Variants in RAB10 observed in about 807,000 individuals in gnomAD.
RAB10 encodes the protein RAB10, member RAS oncogene family.
A neutral mutation model predicts 25.7 loss-of-function variants in RAB10; 5 were observed. The ratio of observed to expected loss-of-function variants is 0.19; its 90% CI spans 0.10 to 0.41. The LOEUF (loss-of-function observed/expected upper bound fraction) is 0.41. Ranked by LOEUF, RAB10 falls within the 10% of genes least tolerant of loss-of-function variation. The probability of loss-of-function intolerance (pLI) is 1.00; values close to 1 mark genes in which losing one functional copy is unlikely to be tolerated. For synonymous variants in RAB10, 89 were observed against 86.4 expected (o/e 1.03, Z -0.16); for missense variants, 103 against 245.8 (o/e 0.42, Z 3.89).
chr2:26,044,357 G>T (rs1295567068), intron 1 of RAB10, among the ~76,000 whole-genome samples: 5 of 152,086 alleles, frequency 3.3e-5, no homozygotes, highest in Admixed American at 3.3e-4. Context: ...AATATCACTG[G>T]TCTGTACTTT....
intron 1 of RAB10, among the ~76,000 whole-genome samples, chr2:26,061,691 T>G (rs559513827): frequency 6.6e-6 from 1 of 152,158 alleles, no homozygotes; most frequent in South Asian, 2.1e-4. Context: ...GTCCCCAGTC[T>G]TATTTTTCTC....
chr2:26,060,122 G>T (rs1666364026), intron 1 of RAB10, among the ~76,000 whole-genome samples: 1 of 152,030 alleles, frequency 6.6e-6, no homozygotes, highest in South Asian at 2.1e-4. Flanking sequence ...AAGCTTGTTT[G>T]GATTTAGAAT....
intron 1 of RAB10, among the ~76,000 whole-genome samples, chr2:26,068,053 C>T (rs749884299): frequency 1.3e-5 from 2 of 152,126 alleles, no homozygotes; most frequent in African/African-American, 4.8e-5. Flanking sequence ...TAATCTATTT[C>T]AGAGGATGGT....
At chr2:26,079,746 G>A (rs567253270) in intron 1 of RAB10, among the ~76,000 whole-genome samples, 2 of 151,062 alleles carry the variant, frequency 1.3e-5, no homozygotes, top group Non-Finnish European at 2.9e-5. Flanking sequence ...ACTCACTGAA[G>A]CCTCAACTTC....
intron 1 of RAB10, among the ~76,000 whole-genome samples, chr2:26,055,176 G>C (rs1666231238): frequency 6.6e-6 from 1 of 152,026 alleles, no homozygotes; most frequent in South Asian, 2.1e-4. Context: ...GGCTGCTCTT[G>C]TCTAGTTTCA....
At chr2:26,036,796 T>C (rs1436613494) in intron 1 of RAB10, among the ~76,000 whole-genome samples, 3 of 151,922 alleles carry the variant, frequency 2.0e-5, no homozygotes, top group Non-Finnish European at 4.4e-5. Context: ...GTCAACTTTA[T>C]TTATTTATTT....
chr2:26,107,196 A>G (rs1667481469), intron 2 of RAB10, among the ~76,000 whole-genome samples: 1 of 150,150 alleles, frequency 6.7e-6, no homozygotes, highest in Non-Finnish European at 1.5e-5. Flanking sequence ...CAGTGAGCCA[A>G]GATCGTGCCA....
At chr2:26,053,764 T>C (rs6546729) in intron 1 of RAB10, among the ~76,000 whole-genome samples, 127,166 of 152,078 alleles carry the variant, frequency 0.84, 53,624 homozygotes, top group African/African-American at 0.96. Flanking sequence ...TTGTCACTCA[T>C]GCTGGAGTGC....
intron 1 of RAB10, among the ~76,000 whole-genome samples, chr2:26,059,680 G>A (rs1264859771): frequency 1.3e-5 from 2 of 152,160 alleles, no homozygotes; most frequent in Non-Finnish European, 1.5e-5. Flanking sequence ...GCATACCCAT[G>A]TTATAACAGC....
intron 1 of RAB10, among the ~76,000 whole-genome samples, chr2:26,043,266 C>T (rs1322337905): frequency 1.3e-5 from 2 of 152,006 alleles, no homozygotes; most frequent in African/African-American, 4.8e-5. Context: ...CAAGAAACCC[C>T]CCAAAATTAG....
At chr2:26,132,811 A>G (rs566244746) in intron 5 of RAB10, among the ~76,000 whole-genome samples, 1 of 127,300 alleles carries the variant, frequency 7.9e-6, no homozygotes, top group African/African-American at 2.9e-5. Flanking sequence ...GTTAAATTCT[A>G]AAAAGATAAG....
intron 5 of RAB10, among the ~76,000 whole-genome samples, chr2:26,130,309 CTTTTTTTTTTCTTTTT>C (rs1435600663): frequency 1.4e-5 from 2 of 147,894 alleles, no homozygotes; most frequent in African/African-American, 5.0e-5. Context: ...TCTTTCTTTC[CTTTTTTTTTTCTTTTT>C]GTGACAGGGT....
At chr2:26,117,388 C>T (rs974655782) in intron 3 of RAB10, among the ~76,000 whole-genome samples, 14 of 151,924 alleles carry the variant, frequency 9.2e-5, no homozygotes, top group African/African-American at 1.2e-4. Context: ...CCGAGGCTGG[C>T]GGATCACCAG....
intron 1 of RAB10, among the ~76,000 whole-genome samples, chr2:26,095,164 C>T (rs142969882): frequency 6.6e-6 from 1 of 152,248 alleles, no homozygotes; most frequent in Non-Finnish European, 1.5e-5. Flanking sequence ...CGCCCTTTGC[C>T]AGTGAATAGT....
intron 1 of RAB10, among the ~76,000 whole-genome samples, chr2:26,048,649 G>A (rs908539310): frequency 6.6e-6 from 1 of 152,114 alleles, no homozygotes; most frequent in African/African-American, 2.4e-5. Context: ...AGCACTTTGG[G>A]AGGCCTAGGT....
intron 1 of RAB10, among the ~76,000 whole-genome samples, chr2:26,046,992 A>G (rs888169112): frequency 6.6e-6 from 1 of 152,166 alleles, no homozygotes; most frequent in African/African-American, 2.4e-5. Context: ...GTTTCTTCCA[A>G]TGGTAGCAGT....
chr2:26,087,295 A>T (rs1404978249), intron 1 of RAB10, among the ~76,000 whole-genome samples: 1 of 152,174 alleles, frequency 6.6e-6, no homozygotes, highest in Non-Finnish European at 1.5e-5. Flanking sequence ...TGGTACTCTC[A>T]GGATTTTTAT....
chr2:26,115,935 C>T (rs1261763919), intron 3 of RAB10, among the ~76,000 whole-genome samples: 2 of 149,574 alleles, frequency 1.3e-5, no homozygotes, highest in Non-Finnish European at 3.0e-5. Context: ...TCTTGGCTCA[C>T]TGCAGTCTCC....
chr2:26,117,999 T>C (rs1667727867), intron 3 of RAB10, among the ~76,000 whole-genome samples: 1 of 151,936 alleles, frequency 6.6e-6, no homozygotes, highest in Non-Finnish European at 1.5e-5. Flanking sequence ...TGAGACGGAG[T>C]CTTGCTCTGT....
Sources: gnomAD v4.1 joint callset for allele counts (sites outside exome capture counted in the v4.1 genomes callset) on GRCh38, gnomAD v4.1.1 for gene constraint, MANE v1.5 for transcripts, NCBI Gene and HGNC (gene_info 2026-07-23, HGNC 2026-07-21) for gene names.